RBM34: variants seen among roughly 807,000 people sequenced by gnomAD.
RBM34 encodes RNA-binding protein 34.
Under a neutral mutation model 44.6 loss-of-function variants are expected in RBM34, and 39 were observed. The ratio of observed to expected loss-of-function variants is 0.87; its 90% CI spans 0.68 to 1.14. The LOEUF (loss-of-function observed/expected upper bound fraction) is 1.14, where lower values mean the gene tolerates loss of function less well. Ranked by LOEUF, RBM34 falls within the 50% of genes most tolerant of loss-of-function variation. The pLI is 0.00. For missense variants in RBM34, 572 were observed against 517.9 expected, an observed-to-expected ratio of 1.10 and a Z score of -1.01; for synonymous variants, 194 against 184.0, an observed-to-expected ratio of 1.05 and a Z score of -0.44.
At chr1:235,155,203 A>G in intron 3 of RBM34, 91 bp from the exon 4 acceptor site, 1 of 981,386 alleles carries the variant, frequency 1.0e-6, no homozygotes, top group Non-Finnish European at 1.5e-6. Context: ...CCCGACTAGA[A>G]ATATTTCCCA....
intron 9 of RBM34, 104 bp downstream of exon 9, chr1:235,135,930 G>A (rs997877698): frequency 1.0e-5 from 13 of 1,258,552 alleles, no homozygotes; most frequent in Admixed American, 2.2e-5. Flanking sequence ...CACATTGCAT[G>A]CTTTAAAATT....
intron 6 of RBM34, among the ~76,000 whole-genome samples, chr1:235,147,400 C>T (rs893748245): frequency 5.3e-5 from 8 of 152,132 alleles, no homozygotes; most frequent in Admixed American, 6.5e-5. Flanking sequence ...AATTTAGGCT[C>T]CTGGGTTTCA....
At chr1:235,141,666 T>C (rs111805398) in intron 6 of RBM34, among the ~76,000 whole-genome samples, 12 of 152,066 alleles carry the variant, frequency 7.9e-5, no homozygotes, top group African/African-American at 2.9e-4. Flanking sequence ...GCTGCTTTTA[T>C]GAGCTGTAAC....
At chr1:235,135,553 G>T in intron 10 of RBM34, 99 bp downstream of exon 10, 1 of 1,049,830 alleles carries the variant, frequency 9.5e-7, no homozygotes, top group Non-Finnish European at 1.5e-6. Context: ...TGGAATTTGA[G>T]AATGGAAGTG....
chr1:235,135,942 G>C, intron 9 of RBM34, 92 bp downstream of exon 9: 1 of 1,291,398 alleles, frequency 7.7e-7, no homozygotes, highest in Non-Finnish European at 1.1e-6. Flanking sequence ...TTTAAAATTA[G>C]TCTTAAATCA....
intron 5 of RBM34, among the ~76,000 whole-genome samples, chr1:235,151,890 G>A (rs112648960): frequency 1.3e-3 from 192 of 151,928 alleles, no homozygotes; most frequent in African/African-American, 3.5e-3. Context: ...AAAATTAGCC[G>A]GGCATGGTAG....
At chr1:235,141,259 G>T (rs554071237) in intron 6 of RBM34, among the ~76,000 whole-genome samples, 1 of 151,350 alleles carries the variant, frequency 6.6e-6, no homozygotes, top group South Asian at 2.1e-4. Context: ...ACACCAATCG[G>T]CACTCTGTAT....
Position 235,161,216 on chromosome 1 carries a change from T to C in RBM34, c.11A>G (p.Glu4Gly). 1 of 1,612,878 alleles carries C rather than the reference T, an allele frequency of 6.2e-7. No individual in the cohort carries two copies. The highest frequency in any genetic ancestry group is 8.5e-7 in the Non-Finnish European group (1 of 1,179,532). ...CTTTCTCTTCCGTTTGCTCATCCCT[T>C]CCAAGGCCATTCTTACTCCAAAGAC... Reference protein sequence around the residue: MALEGMSKRKRKRS... With the variant: MALGGMSKRKRKRS... The change falls in exon 1 of 11, where the codon GAA becomes GGA. Residue 4 changes from glutamate to glycine, a missense_variant. Transcript: ENST00000408888.
intron 4 of RBM34, 120 bp downstream of exon 4, chr1:235,154,761 G>A (rs967971151): frequency 3.7e-6 from 3 of 813,622 alleles, no homozygotes; most frequent in Non-Finnish European, 6.0e-6. Context: ...ATTCATATTA[G>A]GATGATTTAT....
Position 235,131,576 on chromosome 1 carries a change from G to GA in RBM34, c.*136dup. The stretch of plus-strand genomic sequence containing the variant: ...ACAATGTGAATAAACTGAGAATGTG[G>GA]AAGTCTCCACATTTCACATACACCA... On this transcript the variant is annotated 3_prime_UTR_variant, in exon 11 of 11. Transcript: ENST00000408888. 2.1e-6 allele frequency: 2 copies of GA among 964,296 alleles called. No homozygotes were observed. Among genetic ancestry groups the GA allele is most frequent in the Non-Finnish European group, 3.0e-6 (2 of 656,932 alleles). 59.7% of individuals were successfully genotyped at this position (964,296 alleles called of 1,614,324 possible). A position where few individuals can be genotyped will look rare whatever the true frequency, so the allele number is the denominator to read the frequency against.
At chr1:235,140,550 G>A (rs1661638248) in intron 6 of RBM34, among the ~76,000 whole-genome samples, 1 of 152,372 alleles carries the variant, frequency 6.6e-6, no homozygotes, top group East Asian at 1.9e-4. Flanking sequence ...TTCGGGACCT[G>A]CAGCCCGCTA....
At chr1:235,147,781 T>C (rs768194414) in intron 6 of RBM34, among the ~76,000 whole-genome samples, 3 of 152,170 alleles carry the variant, frequency 2.0e-5, no homozygotes, top group Non-Finnish European at 4.4e-5. Context: ...TATCTGCTTA[T>C]AAACTTCATC....
chr1:235,136,438 C>T (rs1661436129), intron 8 of RBM34, among the ~76,000 whole-genome samples: 1 of 152,286 alleles, frequency 6.6e-6, no homozygotes, highest in South Asian at 2.1e-4. Context: ...ACCTTGAGAA[C>T]AGCCCTTGGA....
At chr1:235,140,413 G>T (rs546264825) in intron 6 of RBM34, among the ~76,000 whole-genome samples, 1 of 152,258 alleles carries the variant, frequency 6.6e-6, no homozygotes, top group Admixed American at 6.5e-5. Context: ...GCCGGCCCCG[G>T]GCAGTGAGGG....
rs545121075 is a variant in RBM34, at chr1:235,137,806, A to C, written c.849+71T>G. 2.4e-4 allele frequency: 300 copies of C among 1,237,356 alleles called. No individual in the cohort carries two copies. In the African/African-American group the frequency reaches 3.9e-3, roughly 16 times the overall value. 76.6% of individuals were successfully genotyped at this position (1,237,356 alleles called of 1,614,324 possible). A position where few individuals can be genotyped will look rare whatever the true frequency, so the allele number is the denominator to read the frequency against. ...ACATTGCTGATTCCAGTCCCCTTCC[A>C]GGAAAAGCCTGGAAGGAAACATTTC... On this transcript the variant is annotated intron_variant, in intron 8 of 10. Transcript: ENST00000408888.
chr1:235,148,508 T>C (rs948889307), intron 5 of RBM34, 61 bp from the exon 6 acceptor site: 3 of 1,331,078 alleles, frequency 2.3e-6, no homozygotes, highest in African/African-American at 3.0e-5. Context: ...CAAATTAATA[T>C]TTTAAGTGAA....
chr1:235,142,926 C>CAAAAAAA (rs34015202), intron 6 of RBM34, among the ~76,000 whole-genome samples: 3 of 66,214 alleles, frequency 4.5e-5, no homozygotes, highest in African/African-American at 7.0e-5. Flanking sequence ...GGATCCATCT[C>CAAAAAAA]AAAAAAAAAA....
chr1:235,136,239 G>A, intron 8 of RBM34, 166 bp from the exon 9 acceptor site: 2 of 651,100 alleles, frequency 3.1e-6, no homozygotes, highest in Non-Finnish European at 5.4e-6. Context: ...TTCCCTGCTG[G>A]ACTGTGTGTG....
At chr1:235,146,905 G>A (rs556937000) in intron 6 of RBM34, among the ~76,000 whole-genome samples, 1 of 152,292 alleles carries the variant, frequency 6.6e-6, no homozygotes, top group East Asian at 1.9e-4. Context: ...ACAGGTGTGA[G>A]CCACCACAGC....
Sources: gnomAD v4.1 joint callset for allele counts (sites outside exome capture counted in the v4.1 genomes callset) on GRCh38, gnomAD v4.1.1 for gene constraint, MANE v1.5 for transcripts, NCBI Gene and HGNC (gene_info 2026-07-23, HGNC 2026-07-21) for gene names.